The following OSGIN2 variants were observed in gnomAD, a reference collection of about 807,000 sequenced individuals.
OSGIN2 encodes oxidative stress-induced growth inhibitor 2.
Under a neutral mutation model 53.8 loss-of-function variants are expected in OSGIN2, and 19 were observed. That is an observed-to-expected ratio of 0.35 (90% CI 0.25 to 0.52). The LOEUF (loss-of-function observed/expected upper bound fraction) is 0.52. Among genes scored for constraint, OSGIN2 ranks in the 20% least tolerant of loss-of-function variants. The pLI, the probability that OSGIN2 is intolerant of heterozygous loss-of-function variation, is 0.95. For missense variants in OSGIN2, 520 were observed against 662.7 expected (o/e 0.78, Z 2.36); for synonymous variants, 236 against 236.0 (o/e 1.00, Z 0.00).
intron 1 of OSGIN2, among the ~76,000 whole-genome samples, chr8:89,906,950 T>C (rs1443260638): frequency 6.6e-6 from 1 of 152,186 alleles, no homozygotes; most frequent in Non-Finnish European, 1.5e-5. Context: ...TTTTTGACTT[T>C]TTAATAGCCA....
rs1176622368 is a variant in OSGIN2, at chr8:89,925,560, C to A, written c.*28C>A. 7 of 1,562,912 alleles carry A rather than the reference C, an allele frequency of 4.5e-6. No homozygotes were observed. The highest frequency in any genetic ancestry group is 1.4e-5 in the African/African-American group (1 of 73,228). ...CAAGTTTACAAGTAATTAAAATGGA[C>A]AGTTTGCCATTAAAGATTTTTAATA... On this transcript the variant is annotated 3_prime_UTR_variant, in exon 6 of 6. Transcript: ENST00000451899.
chr8:89,909,447 T>C (rs1808920489), intron 1 of OSGIN2, 120 bp from the exon 2 acceptor site: 3 of 562,112 alleles, frequency 5.3e-6, no homozygotes, highest in Non-Finnish European at 8.4e-6. Flanking sequence ...GGATTTTCTT[T>C]GCTTCTTTTA....
In OSGIN2 at chr8:89,902,652, G is replaced by A. The variant is rs967368574; in HGVS notation, c.-142G>A. ...CCGGCGCCACAGAGCCGGGGCAGCC[G>A]CGGCAACGGCGAGGCGCGAGGCAGG... is the stretch of plus-strand genomic sequence containing the variant. On this transcript the variant is annotated 5_prime_UTR_variant, in exon 1 of 6. Transcript: ENST00000451899. 55 of 177,020 alleles carry A rather than the reference G, an allele frequency of 3.1e-4. No homozygotes were observed. Among genetic ancestry groups the A allele is most frequent in the Non-Finnish European group, 4.6e-4 (42 of 90,654 alleles). The allele number at this position is 177,020 out of a possible 1,614,324, so 11.0% of individuals were successfully genotyped here. A position where few individuals can be genotyped will look rare whatever the true frequency, so the allele number is the denominator to read the frequency against.
At chr8:89,914,349 A>G (rs892547478) in intron 3 of OSGIN2, 136 bp downstream of exon 3, 3 of 705,176 alleles carry the variant, frequency 4.3e-6, no homozygotes, top group Non-Finnish European at 6.9e-6. Flanking sequence ...AGATTCGTAA[A>G]TGTATTCTGA....
At chr8:89,914,450 TGGGG>T (rs1809035906) in intron 3 of OSGIN2, 101 bp from the exon 4 acceptor site, 6 of 831,160 alleles carry the variant, frequency 7.2e-6, no homozygotes, top group Non-Finnish European at 1.1e-5. Context: ...GTGGTCAAGT[TGGGG>T]GTACTGCTTT....
intron 5 of OSGIN2, among the ~76,000 whole-genome samples, chr8:89,922,446 C>G (rs760062473): frequency 1.3e-5 from 2 of 152,174 alleles, no homozygotes; most frequent in Admixed American, 6.5e-5. Context: ...ACATTCTTCA[C>G]TTTGTAAAAG....
intron 4 of OSGIN2, 101 bp from the exon 5 acceptor site, chr8:89,920,979 A>G (rs1809187909): frequency 2.8e-6 from 2 of 705,640 alleles, no homozygotes; most frequent in Non-Finnish European, 4.8e-6. Flanking sequence ...CCAGAGTCAT[A>G]ATTATTGTAA....
intron 5 of OSGIN2, among the ~76,000 whole-genome samples, chr8:89,922,268 A>G (rs1721749228): frequency 6.6e-6 from 1 of 152,214 alleles, no homozygotes; most frequent in South Asian, 2.1e-4. Flanking sequence ...ATATGAGGAA[A>G]TTCAGGGAGA....
intron 1 of OSGIN2, among the ~76,000 whole-genome samples, chr8:89,906,702 C>T (rs1808846477): frequency 6.6e-6 from 1 of 152,278 alleles, no homozygotes; most frequent in South Asian, 2.1e-4. Context: ...TAGGTTGATT[C>T]CATGCCTTTG....
chr8:89,921,978 C>CAAAAA (rs34155159), intron 5 of OSGIN2, among the ~76,000 whole-genome samples: 1 of 145,212 alleles, frequency 6.9e-6, no homozygotes. Flanking sequence ...GACTCTGTCT[C>CAAAAA]AAAAAAAAAA....
At chr8:89,905,563 A>T (rs1249693230) in intron 1 of OSGIN2, among the ~76,000 whole-genome samples, 2 of 152,170 alleles carry the variant, frequency 1.3e-5, no homozygotes. Flanking sequence ...TTGTTTCATT[A>T]ATGTTTTATG....
intron 5 of OSGIN2, among the ~76,000 whole-genome samples, chr8:89,923,596 T>C (rs1288517965): frequency 2.0e-5 from 3 of 152,248 alleles, no homozygotes; most frequent in Admixed American, 2.0e-4. Flanking sequence ...TATTATAAAA[T>C]AGGCATTTTG....
In OSGIN2 at chr8:89,924,959, C is replaced by T. The variant is rs781178914; in HGVS notation, c.1077C>T (p.Asp359=). The change falls in exon 6 of 6, where the codon GAC becomes GAT. Residue 359 remains aspartate, a synonymous_variant. Coordinates refer to ENST00000451899, the MANE Select transcript of OSGIN2 (RefSeq NM_001126111.3). ...LIVGSGLTAA[D]AVLCAYNSNI... Reference sequence around the variant, plus strand: ...TAGGTTCTGGGCTTACTGCCGCTGACGCAGTACTGTGTGCTTACAACAGTA... The same window carrying T: ...TAGGTTCTGGGCTTACTGCCGCTGATGCAGTACTGTGTGCTTACAACAGTA... The T allele has an allele frequency of 3.0e-5, 48 of 1,613,744 alleles. No homozygotes were observed. Among genetic ancestry groups the T allele is most frequent in the Admixed American group, 3.3e-5 (2 of 60,008 alleles).
At chr8:89,902,899 G>C (rs143920400) in intron 1 of OSGIN2, 62 bp downstream of exon 1, 43,876 of 1,209,940 alleles carry the variant, frequency 0.036, 1,073 homozygotes, top group South Asian at 0.086. Flanking sequence ...CGAGCTTTTT[G>C]GCCTGGCCCG....
chr8:89,908,560 CACTT>C (rs1238943069), intron 1 of OSGIN2, among the ~76,000 whole-genome samples: 1 of 152,114 alleles, frequency 6.6e-6, no homozygotes, highest in Non-Finnish European at 1.5e-5. Flanking sequence ...GTAATAAACA[CACTT>C]ACCCACTAGT....
At chr8:89,908,114 G>T (rs1202399577) in intron 1 of OSGIN2, among the ~76,000 whole-genome samples, 1 of 152,202 alleles carries the variant, frequency 6.6e-6, no homozygotes, top group African/African-American at 2.4e-5. Flanking sequence ...GTTAAATGCA[G>T]TTGCCAAGAG....
chr8:89,925,146 T>C lies in OSGIN2; in HGVS notation c.1264T>C (p.Phe422Leu), dbSNP rs1264547712. Residue 422 changes from phenylalanine to leucine, a missense_variant, in exon 6 of 6, where the codon TTT becomes CTT. This residue lies in a region of OSGIN2 where 239 missense variants were observed against 328.3 expected (regional missense o/e 0.73). Coordinates refer to ENST00000451899, the MANE Select transcript of OSGIN2 (RefSeq NM_001126111.3). ...AAATCTTTTATCTGATTATACCAGC[T>C]TTCCCGAGCACCGTGTGCTTTCCTT... ...DSNLLSDYTS[F>L]PEHRVLSFKS... 3 of 1,614,096 alleles carry C rather than the reference T, an allele frequency of 1.9e-6. No homozygotes were observed. The highest frequency in any genetic ancestry group is 1.3e-5 in the African/African-American group (1 of 75,068).
In OSGIN2 at chr8:89,924,560, T is replaced by C; in HGVS notation, c.678T>C (p.Tyr226=). The C allele has an allele frequency of 6.2e-7, 1 of 1,613,958 alleles. No individual in the cohort carries two copies. The highest frequency in any genetic ancestry group is 8.5e-7 in the Non-Finnish European group (1 of 1,179,870). Residue 226 remains tyrosine, a synonymous_variant, in exon 6 of 6, where the codon TAT becomes TAC. Transcript: ENST00000451899. ...PEEIARYYKH[Y]VKVMGLQKNF... ...AAATAGCTCGCTACTATAAACATTATGTAAAAGTCATGGGTCTTCAGAAGA... is the reference window on the plus strand; with the variant it reads ...AAATAGCTCGCTACTATAAACATTACGTAAAAGTCATGGGTCTTCAGAAGA...
At chr8:89,909,139 A>T (rs1293968883) in intron 1 of OSGIN2, among the ~76,000 whole-genome samples, 1 of 150,208 alleles carries the variant, frequency 6.7e-6, no homozygotes, top group Non-Finnish European at 1.5e-5. Context: ...ACAATTTATA[A>T]TATATAAATA....
Sources: gnomAD v4.1 joint callset for allele counts (sites outside exome capture counted in the v4.1 genomes callset) on GRCh38, gnomAD v4.1.1 for gene constraint, gnomAD v4.1.1 regional missense constraint, MANE v1.5 for transcripts, NCBI Gene and HGNC (gene_info 2026-07-23, HGNC 2026-07-21) for gene names.